SLC22A25: variants seen among roughly 807,000 people sequenced by gnomAD.
The protein encoded by SLC22A25 is MGI:2442751, MGI:2385316, MGI:3042283, MGI:3645714, MGI:3605624, MGI:2442750.
SLC22A25 carries 44 observed loss-of-function variants against 45.9 expected under a neutral mutation model. The observed-to-expected ratio is 0.96, with a 90% CI of 0.75 to 1.23. The LOEUF (loss-of-function observed/expected upper bound fraction) is 1.23, where lower values mean the gene tolerates loss of function less well. SLC22A25 is among the 50% of genes most tolerant of loss of function. The probability of loss-of-function intolerance (pLI) is 0.00; values close to 1 mark genes in which losing one functional copy is unlikely to be tolerated. For missense variants in SLC22A25, 800 were observed against 666.4 expected (o/e 1.20, Z -2.21); for synonymous variants, 283 against 238.6 (o/e 1.19, Z -1.72).
chr11:63,187,787 C>T (rs998329944), intron 7 of SLC22A25, among the ~76,000 whole-genome samples: 1 of 152,190 alleles, frequency 6.6e-6, no homozygotes, highest in Non-Finnish European at 1.5e-5. Context: ...GCCGTTTCTG[C>T]ATCTTTTGAG....
intron 3 of SLC22A25, among the ~76,000 whole-genome samples, chr11:63,233,930 A>G (rs1026048404): frequency 6.6e-6 from 1 of 152,124 alleles, no homozygotes; most frequent in African/African-American, 2.4e-5. Context: ...TTCAGTTTCC[A>G]TGTAGTTGAG....
chr11:63,188,774 T>C (rs971365322), intron 7 of SLC22A25, among the ~76,000 whole-genome samples: 2 of 152,236 alleles, frequency 1.3e-5, no homozygotes, highest in African/African-American at 4.8e-5. Context: ...TCAAAGAACA[T>C]CTTTATTTCT....
chr11:63,166,896 G>T, intron 9 of SLC22A25: 3 of 981,900 alleles, frequency 3.1e-6, no homozygotes, highest in Non-Finnish European at 3.6e-6. Flanking sequence ...CAAGATGGCC[G>T]AATAGGAAGA....
At chr11:63,195,007 G>A (rs996752384) in intron 7 of SLC22A25, among the ~76,000 whole-genome samples, 2 of 146,234 alleles carry the variant, frequency 1.4e-5, no homozygotes, top group Non-Finnish European at 3.0e-5. Context: ...GACAAAGAAG[G>A]CCATTACATA....
Position 63,216,708 on chromosome 11 carries a change from G to A in SLC22A25, c.830+606C>T, listed in dbSNP as rs150019711. Among the ~76,000 whole-genome samples, 307 of 152,114 alleles carry A rather than the reference G, an allele frequency of 2.0e-3. 3 individuals carry two copies. The highest frequency in any genetic ancestry group is 0.01 in the Middle Eastern group (3 of 294). ...GAGAGGATCAGGAAAAATTACAAAC[G>A]GGTATTAGGCTTAATACCTAGGTGA... On this transcript the variant is annotated intron_variant, in intron 7 of 11. Coordinates refer to ENST00000306494, the MANE Select transcript of SLC22A25 (RefSeq NM_199352.6).
At chr11:63,184,829 G>A (rs2088461955) in intron 7 of SLC22A25, among the ~76,000 whole-genome samples, 1 of 152,072 alleles carries the variant, frequency 6.6e-6, no homozygotes, top group Admixed American at 6.6e-5. Flanking sequence ...AGGAAAGGAT[G>A]GTCAGGAACA....
In SLC22A25 at chr11:63,185,798, G is replaced by T. The variant is rs1235815846; in HGVS notation, c.831-1981C>A. Among the ~76,000 whole-genome samples the T allele has an allele frequency of 6.2e-5, 9 of 145,334 alleles. No individual in the cohort carries two copies. In the East Asian group the frequency reaches 1.7e-3, roughly 27 times the overall value. On this transcript the variant is annotated intron_variant, in intron 7 of 11. Coordinates refer to ENST00000306494, the MANE Select transcript of SLC22A25 (RefSeq NM_199352.6). ...TATGAGTGAGAATATGCGGTGTTTG[G>T]TTTTTTGTTCTTGCGATAGTTTACT... is the stretch of plus-strand genomic sequence containing the variant.
chr11:63,211,412 A>G (rs1458569293), intron 7 of SLC22A25, among the ~76,000 whole-genome samples: 1 of 152,076 alleles, frequency 6.6e-6, no homozygotes, highest in African/African-American at 2.4e-5. Context: ...CCCTTACACA[A>G]TGTTGGGACA....
rs938155050 is a variant in SLC22A25, at chr11:63,159,419, A to C, written c.*4405T>G. 3.3e-5 allele frequency among the ~76,000 whole-genome samples: 5 copies of C among 152,136 alleles called. No individual in the cohort carries two copies. Among genetic ancestry groups the C allele is most frequent in the African/African-American group, 1.2e-4 (5 of 41,424 alleles). ...CGTGCTATTCTTGTGATACTGAATA[A>C]GTTTCATGAGATCTGAGGGTTTTAT... is the stretch of plus-strand genomic sequence containing the variant. On this transcript the variant is annotated 3_prime_UTR_variant, in exon 12 of 12. Coordinates refer to ENST00000306494, the MANE Select transcript of SLC22A25 (RefSeq NM_199352.6).
chr11:63,176,232 AT>A (rs1285575263), intron 9 of SLC22A25, among the ~76,000 whole-genome samples: 2 of 151,828 alleles, frequency 1.3e-5, no homozygotes, highest in Admixed American at 6.6e-5. Flanking sequence ...GGATTTTAGG[AT>A]TTTTTTCTAT....
At chr11:63,236,649 C>CATGCACCCA in intron 3 of SLC22A25, among the ~76,000 whole-genome samples, 1 of 151,694 alleles carries the variant, frequency 6.6e-6, no homozygotes, top group Non-Finnish European at 1.5e-5. Flanking sequence ...CACCCACTGT[C>CATGCACCCA]CTGCACCCAC....
intron 7 of SLC22A25, among the ~76,000 whole-genome samples, chr11:63,204,149 C>T (rs1449475932): frequency 6.6e-6 from 1 of 152,182 alleles, no homozygotes; most frequent in South Asian, 2.1e-4. Flanking sequence ...ACAAGAGCTC[C>T]TGAAGGAAGC....
At chr11:63,224,551 C>A (rs1324759134) in intron 5 of SLC22A25, among the ~76,000 whole-genome samples, 1 of 151,876 alleles carries the variant, frequency 6.6e-6, no homozygotes, top group Non-Finnish European at 1.5e-5. Flanking sequence ...GTGATTTTCT[C>A]TGGTGATATG....
At chr11:63,234,955 G>A (rs1020775423) in intron 3 of SLC22A25, among the ~76,000 whole-genome samples, 4 of 152,124 alleles carry the variant, frequency 2.6e-5, no homozygotes, top group Admixed American at 6.5e-5. Context: ...GAAGAATGTC[G>A]AATATTGGCC....
intron 9 of SLC22A25, chr11:63,167,689 C>T (rs2087731763): frequency 6.5e-6 from 1 of 152,856 alleles, no homozygotes; most frequent in African/African-American, 2.4e-5. Context: ...GATAAAACTC[C>T]CATCACCTGG....
At chr11:63,238,150 C>G (rs1252567563) in intron 2 of SLC22A25, 138 bp from the exon 3 acceptor site, 2 of 152,230 alleles carry the variant, frequency 1.3e-5, no homozygotes, top group African/African-American at 4.8e-5. Flanking sequence ...CCTCCCTTTT[C>G]TTTACTATTT....
chr11:63,186,660 C>T (rs962650703), intron 7 of SLC22A25, among the ~76,000 whole-genome samples: 3,238 of 152,062 alleles, frequency 0.021, 113 homozygotes, highest in African/African-American at 0.074. Context: ...TTTTCTTCTA[C>T]AGTTTTTATG....
chr11:63,188,929 G>A (rs1341587234), intron 7 of SLC22A25, among the ~76,000 whole-genome samples: 5 of 152,072 alleles, frequency 3.3e-5, no homozygotes, highest in Non-Finnish European at 7.4e-5. Context: ...TATAATTTCT[G>A]TTCTTTTACA....
intron 7 of SLC22A25, among the ~76,000 whole-genome samples, chr11:63,196,233 G>C (rs776167367): frequency 2.0e-5 from 3 of 152,086 alleles, no homozygotes; most frequent in Non-Finnish European, 4.4e-5. Flanking sequence ...CAAAGAGGGA[G>C]TCCTCCATAA....
Sources: gnomAD v4.1 joint callset for allele counts (sites outside exome capture counted in the v4.1 genomes callset) on GRCh38, gnomAD v4.1.1 for gene constraint, MANE v1.5 for transcripts, NCBI Gene and HGNC (gene_info 2026-07-23, HGNC 2026-07-21) for gene names.